Variants in NLGN1 observed in about 807,000 individuals in gnomAD.
NLGN1 encodes neuroligin-1.
Under a neutral mutation model 65.5 loss-of-function variants are expected in NLGN1, and 12 were observed. That is an observed-to-expected ratio of 0.18 (90% CI 0.12 to 0.30). The LOEUF (loss-of-function observed/expected upper bound fraction) is 0.30. NLGN1 is among the 10% of genes least tolerant of loss of function. NLGN1 has a pLI of 1.00. For missense variants in NLGN1, 750 were observed against 1,007.1 expected, an observed-to-expected ratio of 0.74 and a Z score of 3.46; for synonymous variants, 350 against 359.5, an observed-to-expected ratio of 0.97 and a Z score of 0.30.
intron 4 of NLGN1, among the ~76,000 whole-genome samples, chr3:174,171,321 T>G (rs1311981993): frequency 8.9e-6 from 1 of 112,300 alleles, no homozygotes; most frequent in Non-Finnish European, 1.6e-5. Context: ...ATTTCTCTTC[T>G]TTATTAAAAG....
chr3:173,830,017 AGG>A (rs1560454460), intron 4 of NLGN1, among the ~76,000 whole-genome samples: 1 of 139,400 alleles, frequency 7.2e-6, no homozygotes, highest in African/African-American at 2.8e-5. Context: ...TGGGGGGGGG[AGG>A]GAGAGAATAA....
chr3:173,693,571 T>A (rs993341959), intron 3 of NLGN1, among the ~76,000 whole-genome samples: 3 of 152,092 alleles, frequency 2.0e-5, no homozygotes, highest in Non-Finnish European at 4.4e-5. Flanking sequence ...TATATTCTTC[T>A]TGTATTAGAA....
chr3:173,541,997 T>G (rs1004561379), intron 2 of NLGN1, among the ~76,000 whole-genome samples: 1 of 152,082 alleles, frequency 6.6e-6, no homozygotes, highest in African/African-American at 2.4e-5. Flanking sequence ...TTTGATAATT[T>G]TCTACTACAT....
intron 4 of NLGN1, among the ~76,000 whole-genome samples, chr3:174,133,494 G>T (rs1053482921): frequency 6.6e-6 from 1 of 152,118 alleles, no homozygotes; most frequent in African/African-American, 2.4e-5. Context: ...ATCTTTGGAG[G>T]TATTTTGTTC....
intron 4 of NLGN1, among the ~76,000 whole-genome samples, chr3:173,820,870 A>C (rs1720156406): frequency 6.6e-6 from 1 of 152,206 alleles, no homozygotes; most frequent in African/African-American, 2.4e-5. Flanking sequence ...TTTGAGGCTC[A>C]GCTTAATGTT....
Position 174,124,619 on chromosome 3 carries a change from G to A in NLGN1, c.647-150696G>A, listed in dbSNP as rs557544718. Among the ~76,000 whole-genome samples the A allele has an allele frequency of 1.4e-4, 13 of 95,392 alleles. No homozygotes were observed. The East Asian group carries it at 1.6e-3, about 12-fold the overall frequency. The allele number at this position is 95,392 out of a possible 152,430, so 62.6% of individuals were successfully genotyped here. ...CGTATACATATATACGTATATATAC[G>A]TATACACATATACGTATATATATAA... is the stretch of plus-strand genomic sequence containing the variant. On this transcript the variant is annotated intron_variant, in intron 4 of 6. Coordinates refer to ENST00000457714, the Ensembl canonical transcript of NLGN1.
At chr3:174,094,078 C>A (rs114023040) in intron 4 of NLGN1, among the ~76,000 whole-genome samples, 1 of 152,020 alleles carries the variant, frequency 6.6e-6, no homozygotes, top group Non-Finnish European at 1.5e-5. Flanking sequence ...CCGTAGTGTG[C>A]TGTATAGTAT....
At chr3:173,840,223 T>C (rs1196654066) in intron 4 of NLGN1, among the ~76,000 whole-genome samples, 2 of 152,150 alleles carry the variant, frequency 1.3e-5, no homozygotes, top group Admixed American at 6.5e-5. Context: ...GGGGACAAAG[T>C]CTTCCCAGAT....
At chr3:173,950,932 T>A (rs2152328262) in intron 4 of NLGN1, among the ~76,000 whole-genome samples, 1 of 152,274 alleles carries the variant, frequency 6.6e-6, no homozygotes, top group Non-Finnish European at 1.5e-5. Flanking sequence ...AGTGGCGTGA[T>A]CTTGGCTCAC....
chr3:173,715,595 C>T (rs1041087458), intron 3 of NLGN1, among the ~76,000 whole-genome samples: 3 of 152,046 alleles, frequency 2.0e-5, no homozygotes, highest in African/African-American at 4.8e-5. Context: ...ATTACAAACA[C>T]GTTTTTCTTT....
At position 174,076,234 on chromosome 3, in the gene NLGN1, T is replaced by G. The variant is rs139739697; in HGVS notation, c.647-199081T>G. Among the ~76,000 whole-genome samples, 601 of 152,286 alleles carry G rather than the reference T, an allele frequency of 3.9e-3. 2 individuals are homozygous for G. The highest frequency in any genetic ancestry group is 0.013 in the African/African-American group (561 of 41,572). ...TAATTCTAAGTTTTTGAAATATATT[T>G]AACATTTCTTTACATATATGTATAT... On this transcript the variant is annotated intron_variant, in intron 4 of 6. Coordinates refer to ENST00000457714, the Ensembl canonical transcript of NLGN1.
At chr3:173,461,151 T>C (rs1723307226) in intron 2 of NLGN1, among the ~76,000 whole-genome samples, 1 of 152,110 alleles carries the variant, frequency 6.6e-6, no homozygotes, top group African/African-American at 2.4e-5. Context: ...AGCCTTGATG[T>C]AAGGAAATCA....
intron 3 of NLGN1, among the ~76,000 whole-genome samples, chr3:173,651,699 C>G (rs1459736262): frequency 6.6e-6 from 1 of 152,082 alleles, no homozygotes; most frequent in Non-Finnish European, 1.5e-5. Context: ...GTTTGCATAT[C>G]TCTGATGGTT....
intron 3 of NLGN1, among the ~76,000 whole-genome samples, chr3:173,797,874 T>C (rs1050762545): frequency 6.6e-6 from 1 of 152,086 alleles, no homozygotes; most frequent in Non-Finnish European, 1.5e-5. Flanking sequence ...AACAATTCTC[T>C]TACTGTTGCA....
intron 4 of NLGN1, among the ~76,000 whole-genome samples, chr3:174,016,485 A>T (rs1726578580): frequency 6.6e-6 from 1 of 152,168 alleles, no homozygotes; most frequent in Non-Finnish European, 1.5e-5. Context: ...AGTGCACAAG[A>T]TATCAGCAGA....
At chr3:173,473,813 C>T (rs1172965918) in intron 2 of NLGN1, among the ~76,000 whole-genome samples, 1 of 152,204 alleles carries the variant, frequency 6.6e-6, no homozygotes, top group Non-Finnish European at 1.5e-5. Flanking sequence ...GTCAGGAGGA[C>T]AAGCCTTCTG....
intron 3 of NLGN1, among the ~76,000 whole-genome samples, chr3:173,776,703 A>G (rs1780347691): frequency 6.6e-6 from 1 of 151,930 alleles, no homozygotes; most frequent in Admixed American, 6.6e-5. Context: ...TTATATGTTT[A>G]TTTTCCTCCG....
At position 173,494,704 on chromosome 3, in the gene NLGN1, A is replaced by G. The variant is rs375783681; in HGVS notation, c.-321+59626A>G. Among the ~76,000 whole-genome samples the G allele has an allele frequency of 4.6e-5, 7 of 151,720 alleles. No homozygotes were observed. In the East Asian group the frequency reaches 5.8e-4, roughly 13 times the overall value. On this transcript the variant is annotated intron_variant, in intron 2 of 6. Coordinates refer to ENST00000457714, the Ensembl canonical transcript of NLGN1. Reference sequence around the variant, plus strand: ...TATATAGTTTGAATTATTTTTATGCATGATTTGAGGTAGTGGCTGAGAGTT... The same window carrying G: ...TATATAGTTTGAATTATTTTTATGCGTGATTTGAGGTAGTGGCTGAGAGTT...
At chr3:173,967,298 C>T (rs1458934583) in intron 4 of NLGN1, among the ~76,000 whole-genome samples, 21 of 152,294 alleles carry the variant, frequency 1.4e-4, no homozygotes, top group Admixed American at 1.0e-3. Flanking sequence ...GCACAGCAAT[C>T]GGAATTTGTG....
Sources: allele counts gnomAD v4.1 joint callset (sites outside exome capture counted in the v4.1 genomes callset), GRCh38; gene constraint gnomAD v4.1.1; transcripts MANE v1.5; gene names NCBI Gene and HGNC (gene_info 2026-07-23, HGNC 2026-07-21).